ZCCHC14: variants seen among roughly 807,000 people sequenced by gnomAD.
The protein encoded by ZCCHC14 is zinc finger CCHC-type containing 14, also known as zinc finger CCHC domain-containing protein 14.
In ZCCHC14, 16 loss-of-function variants were observed where a neutral mutation model predicts 85.0. That is an observed-to-expected ratio of 0.19 (90% CI 0.13 to 0.29). ZCCHC14 has a LOEUF of 0.29. ZCCHC14 is among the 10% of genes least tolerant of loss of function. ZCCHC14 has a pLI of 1.00. For missense variants in ZCCHC14, 1,303 were observed against 1,443.5 expected, an observed-to-expected ratio of 0.90 and a Z score of 1.58; for synonymous variants, 775 against 630.7, an observed-to-expected ratio of 1.23 and a Z score of -3.43.
chr16:87,448,497 G>A (rs1164656093), intron 2 of ZCCHC14, among the ~76,000 whole-genome samples: 1 of 152,132 alleles, frequency 6.6e-6, no homozygotes, highest in Non-Finnish European at 1.5e-5. Context: ...TACTGAACAT[G>A]CTCCTTCCTT....
rs1019981455 is a variant in ZCCHC14, at chr16:87,491,408, T to C, written c.570+261A>G. On this transcript the variant is annotated intron_variant, in intron 1 of 12. Transcript: ENST00000671377. This position sits in a 1 kb window ranked among gnomAD's most constrained non-coding sequence, Gnocchi z 5.9. Reference sequence around the variant, plus strand: ...GGGGCTTGGGATGTACGGCGGAGGCTTGGGATGTACGGCGGAGGCTTGGGA... The same window carrying C: ...GGGGCTTGGGATGTACGGCGGAGGCCTGGGATGTACGGCGGAGGCTTGGGA... Among the ~76,000 whole-genome samples, 3 of 151,812 alleles carry C rather than the reference T, an allele frequency of 2.0e-5. No individual in the cohort carries two copies. Among genetic ancestry groups the C allele is most frequent in the African/African-American group, 7.3e-5 (3 of 41,272 alleles).
chr16:87,425,270 C>T (rs1363476519), intron 3 of ZCCHC14, among the ~76,000 whole-genome samples: 1 of 152,186 alleles, frequency 6.6e-6, no homozygotes, highest in Non-Finnish European at 1.5e-5. Context: ...CCAGAATCTT[C>T]CACACCTAAA....
rs541136306 is a variant in ZCCHC14 at position 87,466,162 on chromosome 16, C to T, written c.571-6031G>A. 4.5e-4 allele frequency among the ~76,000 whole-genome samples: 60 copies of T among 132,580 alleles called. No individual in the cohort carries two copies. The South Asian group carries it at 0.01, about 22-fold the overall frequency. The allele number at this position is 132,580 out of a possible 152,430, so 87.0% of individuals were successfully genotyped here. ...AAAAAGGTTTGTCCTTAGTTCATGC[C>T]GCCTGACAGAAAAAAACCCAGCACC... On this transcript the variant is annotated intron_variant, in intron 1 of 12. Transcript: ENST00000671377.
rs117060764 is a variant in ZCCHC14 at position 87,484,540 on chromosome 16, C to T, written c.570+7129G>A. ...AGAACAGCATGTATGTAAGATCCTA[C>T]GTGTATCTAAGCGTGTATATGGTGT... On this transcript the variant is annotated intron_variant, in intron 1 of 12. Transcript: ENST00000671377. 1.3e-3 allele frequency among the ~76,000 whole-genome samples: 204 copies of T among 152,296 alleles called. 1 individual carries two copies. In the East Asian group the frequency reaches 0.014, roughly 11 times the overall value.
At chr16:87,410,390 A>C in intron 12 of ZCCHC14, 55 bp from the exon 13 acceptor site, 1 of 746,936 alleles carries the variant, frequency 1.3e-6, no homozygotes, top group South Asian at 1.5e-5. Flanking sequence ...ATCACCACCA[A>C]CCACCAATCT....
At chr16:87,434,736 T>C (rs989046242) in intron 2 of ZCCHC14, among the ~76,000 whole-genome samples, 7 of 152,102 alleles carry the variant, frequency 4.6e-5, no homozygotes, top group Non-Finnish European at 1.0e-4. Flanking sequence ...TCACGCCTGG[T>C]ATCCCAGCAC....
At chr16:87,441,058 C>T (rs1350979794) in intron 2 of ZCCHC14, among the ~76,000 whole-genome samples, 2 of 150,080 alleles carry the variant, frequency 1.3e-5, no homozygotes, top group African/African-American at 2.5e-5. Context: ...GGCTGGAGTG[C>T]AGCGGCGCCA....
chr16:87,432,989 T>C, intron 3 of ZCCHC14, 139 bp downstream of exon 3: 2 of 494,834 alleles, frequency 4.0e-6, no homozygotes, highest in South Asian at 3.6e-5. Context: ...CACCCCGAGC[T>C]CAGGGCCAGC....
chr16:87,415,230 G>C (rs372490039), intron 9 of ZCCHC14, 46 bp downstream of exon 9: 9 of 1,586,160 alleles, frequency 5.7e-6, no homozygotes, highest in African/African-American at 1.3e-5. Flanking sequence ...TTCGGCACAC[G>C]AGAAATGGAA....
chr16:87,476,214 T>C (rs532600407), intron 1 of ZCCHC14, among the ~76,000 whole-genome samples: 3 of 152,012 alleles, frequency 2.0e-5, no homozygotes, highest in African/African-American at 7.3e-5. Context: ...CTCCCGAAAA[T>C]ACTAAAGTGA....
Position 87,408,348 on chromosome 16 carries a change from A to C in ZCCHC14, c.*1932T>G, listed in dbSNP as rs939892552. 2.6e-5 allele frequency: 4 copies of C among 152,580 alleles called. No individual in the cohort carries two copies. The highest frequency in any genetic ancestry group is 2.6e-4 in the Admixed American group (4 of 15,288). The allele number at this position is 152,580 out of a possible 1,614,324, so 9.5% of individuals were successfully genotyped here. ...AATTTAAAAGTTTGGCTTTCAGCAC[A>C]TATCCAGGCCACTGTAATGGCCTTC... On this transcript the variant is annotated 3_prime_UTR_variant, in exon 13 of 13. Coordinates refer to ENST00000671377, the MANE Select transcript of ZCCHC14 (RefSeq NM_015144.3).
intron 2 of ZCCHC14, 119 bp from the exon 3 acceptor site, chr16:87,433,320 G>A (rs1909755742): frequency 2.2e-6 from 2 of 922,166 alleles, no homozygotes; most frequent in East Asian, 5.4e-5. Flanking sequence ...AGGCTGTCCT[G>A]TCACTTTGGT....
At chr16:87,467,101 C>T (rs1305514930) in intron 1 of ZCCHC14, 1 of 655,052 alleles carries the variant, frequency 1.5e-6, no homozygotes. Flanking sequence ...CCCCATCTGA[C>T]CTCTAACTCC....
chr16:87,431,196 A>G (rs1909639377), intron 3 of ZCCHC14, among the ~76,000 whole-genome samples: 1 of 144,202 alleles, frequency 6.9e-6, no homozygotes, highest in Non-Finnish European at 1.5e-5. Flanking sequence ...AGAAAAGGCC[A>G]GGTACAGTGG....
chr16:87,412,313 G>A lies in ZCCHC14; in HGVS notation c.2408C>T (p.Pro803Leu), dbSNP rs771869087. The A allele has an allele frequency of 2.5e-6, 4 of 1,613,960 alleles. No homozygotes were observed. The highest frequency in any genetic ancestry group is 3.4e-6 in the Non-Finnish European group (4 of 1,180,034). The change falls in exon 12 of 13, where the codon CCC becomes CTC. Residue 803 changes from proline to leucine, a missense_variant. Physicochemically the swap from Pro to Leu is moderately conservative, Grantham distance 98. This residue lies in a region of ZCCHC14 where 797 missense variants were observed against 730.8 expected (regional missense o/e 1.09). Coordinates refer to ENST00000671377, the MANE Select transcript of ZCCHC14 (RefSeq NM_015144.3). Reference sequence around the variant, plus strand: ...AGTCCGGGGGTTTATTATTGCAGGGGGCACACTTATTTGCACATTATTAGG... The same window carrying A: ...AGTCCGGGGGTTTATTATTGCAGGGAGCACACTTATTTGCACATTATTAGG... ...SCPNNVQISV[P>L]PAIINPRTAL...
At chr16:87,480,410 AT>A (rs1912216295) in intron 1 of ZCCHC14, among the ~76,000 whole-genome samples, 1 of 152,146 alleles carries the variant, frequency 6.6e-6, no homozygotes, top group Non-Finnish European at 1.5e-5. Flanking sequence ...CTCAAAAAAA[AT>A]AAATAAATAA....
chr16:87,450,498 T>G (rs1470822197), intron 2 of ZCCHC14, among the ~76,000 whole-genome samples: 1 of 152,354 alleles, frequency 6.6e-6, no homozygotes. Flanking sequence ...ATTAATTTCA[T>G]TTGTTAGTTC....
At chr16:87,482,178 A>C (rs1422692138) in intron 1 of ZCCHC14, among the ~76,000 whole-genome samples, 2 of 152,196 alleles carry the variant, frequency 1.3e-5, no homozygotes, top group Non-Finnish European at 2.9e-5. Context: ...GAAGACAGAA[A>C]CCTGCCTTTG....
At chr16:87,458,579 C>G (rs1424905659) in intron 2 of ZCCHC14, among the ~76,000 whole-genome samples, 1 of 152,184 alleles carries the variant, frequency 6.6e-6, no homozygotes, top group African/African-American at 2.4e-5. Flanking sequence ...GAAATGGGTC[C>G]TTCCTGAGTT....
Sources: gnomAD v4.1 joint callset for allele counts (sites outside exome capture counted in the v4.1 genomes callset) on GRCh38, gnomAD v4.1.1 for gene constraint, gnomAD v4.1.1 regional missense constraint, Gnocchi (gnomAD v3.1) non-coding constraint, MANE v1.5 for transcripts, NCBI Gene and HGNC (gene_info 2026-07-23, HGNC 2026-07-21) for gene names.